Variants in KNL1 observed in about 807,000 individuals in gnomAD.
KNL1 encodes kinetochore scaffold 1, also known as outer kinetochore KNL1 complex subunit KNL1.
In KNL1, 66 loss-of-function variants were observed where a neutral mutation model predicts 201.3. The ratio of observed to expected loss-of-function variants is 0.33; its 90% CI spans 0.27 to 0.40. KNL1 has a LOEUF of 0.40. Ranked by LOEUF, KNL1 falls within the 10% of genes least tolerant of loss-of-function variation. KNL1 has a pLI of 1.00. For missense variants in KNL1, 2,815 were observed against 2,690.5 expected (o/e 1.05, Z -1.02); for synonymous variants, 895 against 899.2 (o/e 1.00, Z 0.08).
chr15:40,660,056 C>G (rs1466548319), intron 25 of KNL1, among the ~76,000 whole-genome samples: 1 of 151,880 alleles, frequency 6.6e-6, no homozygotes, highest in Non-Finnish European at 1.5e-5. Flanking sequence ...GACTTAAAGG[C>G]AAGCGCCACC....
In KNL1 at chr15:40,662,454, C is replaced by G. The variant is rs1893939181; in HGVS notation, c.*266C>G. 1 of 328,592 alleles carries G rather than the reference C, an allele frequency of 3.0e-6. No homozygotes were observed. The highest frequency in any genetic ancestry group is 2.1e-5 in the African/African-American group (1 of 47,430). 20.4% of individuals were successfully genotyped at this position (328,592 alleles called of 1,614,324 possible). A position where few individuals can be genotyped will look rare whatever the true frequency, so the allele number is the denominator to read the frequency against. On this transcript the variant is annotated 3_prime_UTR_variant, in exon 26 of 26. Transcript: ENST00000399668. Reference sequence around the variant, plus strand: ...GACACTTAGGAAAAATGTCTCCTAACTAAACTAGTGCTTTCTGCTTTAGTA... The same window carrying G: ...GACACTTAGGAAAAATGTCTCCTAAGTAAACTAGTGCTTTCTGCTTTAGTA...
intron 13 of KNL1, among the ~76,000 whole-genome samples, chr15:40,639,326 C>T (rs1415889299): frequency 6.6e-6 from 1 of 150,874 alleles, no homozygotes; most frequent in Non-Finnish European, 1.5e-5. Context: ...TGGCTCATGT[C>T]TGTAATCCCA....
chr15:40,654,095 T>A (rs12148185), intron 21 of KNL1, among the ~76,000 whole-genome samples: 38,604 of 152,136 alleles, frequency 0.25, 6,028 homozygotes, highest in Middle Eastern at 0.37. Context: ...TCTCATGGTA[T>A]CCACAGTGCC....
Position 40,625,059 on chromosome 15 carries a change from A to C in KNL1, c.4795A>C (p.Ile1599Leu). ...AAATAAGGCACACAATGATATGCAT[A>C]TAGTGCAAGCTACAGAAATACATAA... The part of the protein sequence containing the change: ...LGNKAHNDMH[I>L]VQATEIHNIN... Residue 1599 changes from isoleucine to leucine, a missense_variant, in exon 10 of 26, where the codon ATA (isoleucine) becomes CTA (leucine). Ile to Leu is a conservative substitution (Grantham distance 5). Around this residue, in one of 3 missense-constraint regions of KNL1, gnomAD observed 2,464 missense variants for 2,291.7 expected, o/e 1.08. Coordinates refer to ENST00000399668, the MANE Select transcript of KNL1 (RefSeq NM_144508.5). 1.2e-6 allele frequency: 2 copies of C among 1,613,650 alleles called. No homozygotes were observed. The highest frequency in any genetic ancestry group is 1.7e-6 in the Non-Finnish European group (2 of 1,179,648).
intron 25 of KNL1, among the ~76,000 whole-genome samples, chr15:40,660,664 C>CA (rs35985022): frequency 0.85 from 75,229 of 88,784 alleles, 31,892 homozygotes; most frequent in African/African-American, 0.91. Flanking sequence ...AACTCCGTCT[C>CA]AAAAAAAAAA....
intron 1 of KNL1, among the ~76,000 whole-genome samples, chr15:40,602,317 C>A (rs1212830111): frequency 3.8e-5 from 3 of 78,788 alleles, no homozygotes; most frequent in African/African-American, 9.6e-5. Context: ...TTTTTTTTTT[C>A]AGTAGAGACG....
intron 7 of KNL1, 66 bp from the exon 8 acceptor site, chr15:40,615,275 C>A: frequency 2.0e-6 from 1 of 488,878 alleles, no homozygotes; most frequent in South Asian, 2.0e-5. Context: ...ACTCTTTCAG[C>A]TGTTATTGAA....
Position 40,624,842 on chromosome 15 carries a change from A to G in KNL1, c.4578A>G (p.Ser1526=), listed in dbSNP as rs200355801. 2 of 1,613,024 alleles carry G rather than the reference A, an allele frequency of 1.2e-6. No individual in the cohort carries two copies. Among genetic ancestry groups the G allele is most frequent in the Admixed American group, 1.7e-5 (1 of 59,952 alleles). The change falls in exon 10 of 26, where the codon TCA becomes TCG. Residue 1526 remains serine (S), a synonymous_variant. Transcript: ENST00000399668. Reference sequence around the variant, plus strand: ...CAGCTCTAGATTTCCACAGTAACTCAGACGTAACTAAGCAAGTCATTCAAA... The same window carrying G: ...CAGCTCTAGATTTCCACAGTAACTCGGACGTAACTAAGCAAGTCATTCAAA... ...YNTALDFHSN[S]DVTKQVIQTH...
intron 21 of KNL1, among the ~76,000 whole-genome samples, chr15:40,652,750 A>G (rs191007857): frequency 0.021 from 1,872 of 87,096 alleles, 45 homozygotes; most frequent in African/African-American, 0.071. Flanking sequence ...GCAACAGAGC[A>G]AAACTGTCTC....
At chr15:40,631,198 T>TA (rs1287357145) in intron 13 of KNL1, among the ~76,000 whole-genome samples, 5 of 152,160 alleles carry the variant, frequency 3.3e-5, no homozygotes, top group Non-Finnish European at 5.9e-5. Context: ...ATCCTGAGAC[T>TA]ATCCCCTCTT....
intron 10 of KNL1, among the ~76,000 whole-genome samples, chr15:40,627,556 G>A (rs1892791996): frequency 1.3e-5 from 2 of 151,416 alleles, no homozygotes; most frequent in Admixed American, 1.3e-4. Context: ...TAAGAAGATA[G>A]ATGAAGATGG....
At chr15:40,613,467 G>A (rs535923800) in intron 7 of KNL1, among the ~76,000 whole-genome samples, 40 of 146,286 alleles carry the variant, frequency 2.7e-4, no homozygotes, top group Admixed American at 1.2e-3. Flanking sequence ...TTGTTGAAAC[G>A]AAGAAATGGA....
rs539431248 is a variant in KNL1, at chr15:40,658,734, A to T, written c.6714-605A>T. On this transcript the variant is annotated intron_variant, in intron 24 of 25. Coordinates refer to ENST00000399668, the MANE Select transcript of KNL1 (RefSeq NM_144508.5). ...CACTTGAGGTCAGGAGTTCAAGATC[A>T]ATGTGGCCAACAAGGTGAAACCCCA... 5.9e-5 allele frequency among the ~76,000 whole-genome samples: 9 copies of T among 151,446 alleles called. No individual in the cohort carries two copies. The East Asian group carries it at 1.8e-3, about 30-fold the overall frequency.
rs1432485049 is a variant in KNL1 at position 40,624,372 on chromosome 15, G to A, written c.4108G>A (p.Val1370Ile). ...TTGTCCTTTGTTAGAGAAGGAAGAA[G>A]TTATTCAAACCAGTACCAAAGGACA... is the stretch of plus-strand genomic sequence containing the variant. ...APCPLLEKEE[V>I]IQTSTKGQLD... Residue 1370 changes from valine (V) to isoleucine (I), a missense_variant, in exon 10 of 26, where the codon GTT becomes ATT. Val to Ile is a conservative substitution (Grantham distance 29). Around this residue, in one of 3 missense-constraint regions of KNL1, gnomAD observed 2,464 missense variants for 2,291.7 expected, o/e 1.08. Coordinates refer to ENST00000399668, the MANE Select transcript of KNL1 (RefSeq NM_144508.5). 1 of 1,613,920 alleles carries A rather than the reference G, an allele frequency of 6.2e-7. No individual in the cohort carries two copies. The highest frequency in any genetic ancestry group is 2.2e-5 in the East Asian group (1 of 44,878).
chr15:40,608,851 C>G lies in KNL1; in HGVS notation c.140C>G (p.Ser47Cys). The G allele has an allele frequency of 6.2e-7, 1 of 1,606,306 alleles. No individual in the cohort carries two copies. The highest frequency in any genetic ancestry group is 8.5e-7 in the Non-Finnish European group (1 of 1,173,646). The change falls in exon 5 of 26, where the codon TCC becomes TGC. Residue 47 changes from serine to cysteine, a missense_variant. By Grantham distance (112) the Ser-to-Cys change is moderately radical. Coordinates refer to ENST00000399668, the MANE Select transcript of KNL1 (RefSeq NM_144508.5). The stretch of plus-strand genomic sequence containing the variant: ...CCATATATTCTCTGCCCTTAGGAAT[C>G]CAATGCTTTGAGAAATAAGAAAAAC... Reference protein sequence around the residue: ...LRGGNERVQESNALRNKKNSR... With the variant: ...LRGGNERVQECNALRNKKNSR...
chr15:40,656,348 G>T (rs963834575), intron 22 of KNL1, among the ~76,000 whole-genome samples: 6 of 151,990 alleles, frequency 3.9e-5, no homozygotes, highest in African/African-American at 1.5e-4. Flanking sequence ...CAGGAGAATT[G>T]CCTGAATCCG....
chr15:40,626,687 G>A (rs1212288696), intron 10 of KNL1, among the ~76,000 whole-genome samples: 2 of 148,166 alleles, frequency 1.3e-5, no homozygotes, highest in East Asian at 4.1e-4. Context: ...TCAAGTGATT[G>A]TCGTGTCTCA....
Position 40,596,981 on chromosome 15 carries a change from C to A in KNL1, c.-18+2589C>A, listed in dbSNP as rs187252572. Among the ~76,000 whole-genome samples the A allele has an allele frequency of 5.7e-3, 521 of 90,628 alleles. 4 individuals carry two copies. The highest frequency in any genetic ancestry group is 0.013 in the Admixed American group (78 of 6,156). 59.5% of individuals were successfully genotyped at this position (90,628 alleles called of 152,430 possible). ...CGCCATTGTACTCCAGCCTGGGCAA[C>A]AAGAGTGAAACTCCATCTCAAAAAA... On this transcript the variant is annotated intron_variant, in intron 1 of 25. Transcript: ENST00000399668.
At chr15:40,602,886 T>G in intron 1 of KNL1, 29 bp from the exon 2 acceptor site, 1 of 1,248,146 alleles carries the variant, frequency 8.0e-7, no homozygotes, top group Non-Finnish European at 1.2e-6. Context: ...TTTTTCCTCA[T>G]GTTTTCTAAT....
Sources: gnomAD v4.1 joint callset for allele counts (sites outside exome capture counted in the v4.1 genomes callset) on GRCh38, gnomAD v4.1.1 for gene constraint, gnomAD v4.1.1 regional missense constraint, MANE v1.5 for transcripts, NCBI Gene and HGNC (gene_info 2026-07-23, HGNC 2026-07-21) for gene names.